The following DGKB variants were observed in gnomAD, a reference collection of about 807,000 sequenced individuals.
DGKB encodes the protein diacylglycerol kinase beta.
In DGKB, 67 loss-of-function variants were observed where a neutral mutation model predicts 114.3. That is an observed-to-expected ratio of 0.59 (90% CI 0.48 to 0.72). DGKB has a LOEUF of 0.72. Ranked by LOEUF, DGKB falls within the 30% of genes least tolerant of loss-of-function variation. The pLI is 0.00. For synonymous variants in DGKB, 398 were observed against 323.1 expected (o/e 1.23, Z -2.49); for missense variants, 907 against 975.2 (o/e 0.93, Z 0.93).
chr7:14,932,121 T>C (rs1194674891), intron 1 of DGKB, among the ~76,000 whole-genome samples: 2 of 152,198 alleles, frequency 1.3e-5, no homozygotes, highest in African/African-American at 2.4e-5. Flanking sequence ...GTTAGGCTTA[T>C]AGCTTGGGAG....
At chr7:14,607,199 T>C (rs1317747619) in intron 17 of DGKB, among the ~76,000 whole-genome samples, 1 of 151,218 alleles carries the variant, frequency 6.6e-6, no homozygotes, top group Non-Finnish European at 1.5e-5. Flanking sequence ...ATATCATCAT[T>C]AGTACAATAA....
chr7:14,733,750 G>GAAGAAAGAAAGA (rs112075915), intron 5 of DGKB, among the ~76,000 whole-genome samples: 1 of 6,610 alleles, frequency 1.5e-4, no homozygotes. Context: ...AAGAAATAAA[G>GAAGAAAGAAAGA]AAGAAAGAAA....
At chr7:14,615,915 C>T (rs1274660219) in intron 15 of DGKB, among the ~76,000 whole-genome samples, 1 of 151,406 alleles carries the variant, frequency 6.6e-6, no homozygotes, top group Non-Finnish European at 1.5e-5. Flanking sequence ...TGTCTACTGA[C>T]AAAATGAATA....
chr7:14,323,300 C>G (rs981589402), intron 23 of DGKB, among the ~76,000 whole-genome samples: 1 of 152,078 alleles, frequency 6.6e-6, no homozygotes, highest in Non-Finnish European at 1.5e-5. Flanking sequence ...CTAGGGGTTT[C>G]TGTGGTGTTG....
intron 21 of DGKB, among the ~76,000 whole-genome samples, chr7:14,426,677 T>C (rs1000358615): frequency 1.3e-5 from 2 of 152,142 alleles, no homozygotes; most frequent in South Asian, 2.1e-4. Flanking sequence ...AGGCTAGACA[T>C]ACTGATGGAA....
At chr7:14,535,249 G>A (rs920473952) in intron 20 of DGKB, among the ~76,000 whole-genome samples, 2 of 151,874 alleles carry the variant, frequency 1.3e-5, no homozygotes, top group African/African-American at 2.4e-5. Flanking sequence ...TGAGTCTGTA[G>A]TTCCAGCTAC....
chr7:14,724,085 C>CTTGG (rs1829664395), intron 5 of DGKB, among the ~76,000 whole-genome samples: 4 of 152,124 alleles, frequency 2.6e-5, no homozygotes, highest in Non-Finnish European at 5.9e-5. Flanking sequence ...TAGTCAAAAA[C>CTTGG]AATAACATGG....
Position 14,567,855 on chromosome 7 carries a change from C to T in DGKB, c.1770+6357G>A, listed in dbSNP as rs151335945. On this transcript the variant is annotated intron_variant, in intron 20 of 25. Coordinates refer to ENST00000402815, the MANE Select transcript of DGKB (RefSeq NM_001350709.2). ...CTCCTGACTTCAGGTGATCTGCCTT[C>T]CTTGGCCTCCCAAAGTGCTGGGATT... Among the ~76,000 whole-genome samples the T allele has an allele frequency of 9.8e-4, 149 of 152,020 alleles. 2 individuals are homozygous for T. The East Asian group carries it at 0.025, about 26-fold the overall frequency.
intron 6 of DGKB, among the ~76,000 whole-genome samples, chr7:14,716,674 G>A (rs1828237754): frequency 1.3e-5 from 2 of 151,974 alleles, no homozygotes; most frequent in Non-Finnish European, 2.9e-5. Flanking sequence ...AAACATATGT[G>A]GTAAATTGTT....
intron 2 of DGKB, among the ~76,000 whole-genome samples, chr7:14,812,734 T>C (rs1843609694): frequency 6.6e-6 from 1 of 152,156 alleles, no homozygotes. Flanking sequence ...TTAATTCTTC[T>C]CTTAGCTCCC....
chr7:14,184,435 G>T (rs1268679170), intron 23 of DGKB, among the ~76,000 whole-genome samples: 1 of 152,134 alleles, frequency 6.6e-6, no homozygotes, highest in African/African-American at 2.4e-5. Flanking sequence ...GTCTGTTCGT[G>T]GGGGCACGGT....
chr7:14,948,730 T>C (rs1171662078), intron 1 of DGKB, among the ~76,000 whole-genome samples: 3 of 151,752 alleles, frequency 2.0e-5, no homozygotes, highest in Non-Finnish European at 4.4e-5. Context: ...TAGTAAAATA[T>C]GAGCTATAAT....
intron 21 of DGKB, among the ~76,000 whole-genome samples, chr7:14,476,097 T>G (rs1234587523): frequency 1.3e-5 from 2 of 151,988 alleles, no homozygotes; most frequent in Non-Finnish European, 2.9e-5. Context: ...CTTTCGTTTT[T>G]TGCTTGAAAC....
intron 4 of DGKB, among the ~76,000 whole-genome samples, chr7:14,753,496 C>T (rs1271354228): frequency 6.6e-6 from 1 of 151,876 alleles, no homozygotes; most frequent in African/African-American, 2.4e-5. Flanking sequence ...TCTATCACAG[C>T]ACTGTAGACA....
intron 21 of DGKB, among the ~76,000 whole-genome samples, chr7:14,356,156 A>T (rs1814439225): frequency 6.6e-6 from 1 of 151,198 alleles, no homozygotes; most frequent in Admixed American, 6.6e-5. Flanking sequence ...CATCTATTTG[A>T]TTCTTTCCTC....
chr7:14,936,949 GATTAAATATCTCCTTGT>G (rs1785299797), intron 1 of DGKB, among the ~76,000 whole-genome samples: 1 of 149,970 alleles, frequency 6.7e-6, no homozygotes, highest in Admixed American at 6.7e-5. Context: ...TGGTGTAAAT[GATTAAATATCTCCTTGT>G]AATGACTTTC....
chr7:14,293,894 C>G (rs1802130051), intron 23 of DGKB, among the ~76,000 whole-genome samples: 1 of 152,156 alleles, frequency 6.6e-6, no homozygotes, highest in African/African-American at 2.4e-5. Flanking sequence ...TTGCCCTCCT[C>G]ATTTTTGTTT....
Position 14,436,000 on chromosome 7 carries a change from T to C in DGKB, c.1835+42161A>G, listed in dbSNP as rs531623804. 1.6e-4 allele frequency among the ~76,000 whole-genome samples: 24 copies of C among 152,178 alleles called. No homozygotes were observed. The East Asian group carries it at 3.7e-3, about 23-fold the overall frequency. ...AAATTCAATAGAAATTATCAGTCTTTTTGGCACAAAATATTTCAAATGGAA... is the reference window on the plus strand; with the variant it reads ...AAATTCAATAGAAATTATCAGTCTTCTTGGCACAAAATATTTCAAATGGAA... On this transcript the variant is annotated intron_variant, in intron 21 of 25. Coordinates refer to ENST00000402815, the MANE Select transcript of DGKB (RefSeq NM_001350709.2).
At chr7:14,752,409 C>T (rs770246838) in intron 4 of DGKB, among the ~76,000 whole-genome samples, 4 of 152,034 alleles carry the variant, frequency 2.6e-5, no homozygotes, top group Non-Finnish European at 4.4e-5. Flanking sequence ...GTACAAAGTG[C>T]GAAAATAAAG....
Sources: gnomAD v4.1 joint callset for allele counts (sites outside exome capture counted in the v4.1 genomes callset) on GRCh38, gnomAD v4.1.1 for gene constraint, MANE v1.5 for transcripts, NCBI Gene and HGNC (gene_info 2026-07-23, HGNC 2026-07-21) for gene names.